Variants in ING5 observed in about 807,000 individuals in gnomAD.
ING5 encodes inhibitor of growth protein 5.
Under a neutral mutation model 37.4 loss-of-function variants are expected in ING5, and 17 were observed. The observed-to-expected ratio is 0.45, with a 90% CI of 0.31 to 0.68. ING5 has a LOEUF of 0.68. Ranked by LOEUF, ING5 falls within the 30% of genes least tolerant of loss-of-function variation. The probability of loss-of-function intolerance (pLI) is 0.05; values close to 1 mark genes in which losing one functional copy is unlikely to be tolerated. For synonymous variants in ING5, 123 were observed against 116.6 expected (o/e 1.06, Z -0.36); for missense variants, 233 against 311.9 (o/e 0.75, Z 1.91).
chr2:241,714,813 C>T (rs950639738), intron 5 of ING5, among the ~76,000 whole-genome samples: 2 of 152,066 alleles, frequency 1.3e-5, no homozygotes, highest in African/African-American at 2.4e-5. Flanking sequence ...CCAGGCTGGT[C>T]TCAAACATCT....
intron 2 of ING5, among the ~76,000 whole-genome samples, chr2:241,705,734 T>G (rs1377326025): frequency 6.6e-6 from 1 of 152,092 alleles, no homozygotes; most frequent in East Asian, 1.9e-4. Context: ...AAACAACATG[T>G]TTTTGTTGCT....
chr2:241,716,949 T>G (rs1559310233), intron 5 of ING5, among the ~76,000 whole-genome samples: 1 of 152,150 alleles, frequency 6.6e-6, no homozygotes, highest in Non-Finnish European at 1.5e-5. Context: ...AAAGATCCGT[T>G]TTACAACATG....
At chr2:241,701,471 G>A (rs1318154919), upstream of ING5, among the ~76,000 whole-genome samples, 1 of 152,194 alleles carries the variant, frequency 6.6e-6, no homozygotes. Context: ...GGCGTTGGCG[G>A]GGGAAGGGCG....
intron 5 of ING5, among the ~76,000 whole-genome samples, chr2:241,718,860 C>T (rs1253558457): frequency 6.6e-6 from 1 of 152,166 alleles, no homozygotes; most frequent in Non-Finnish European, 1.5e-5. Flanking sequence ...AGGCATGTGC[C>T]ACCATTCCTT....
chr2:241,689,188 C>T (rs2069509459), intron 1 of ING5, among the ~76,000 whole-genome samples: 1 of 151,924 alleles, frequency 6.6e-6, no homozygotes, highest in African/African-American at 2.4e-5. Context: ...TCTTGGCTCA[C>T]TGCAACCTCC....
intron 2 of ING5, among the ~76,000 whole-genome samples, chr2:241,693,074 C>T (rs962559164): frequency 3.3e-5 from 5 of 151,898 alleles, no homozygotes; most frequent in African/African-American, 1.2e-4. Flanking sequence ...GCCTGGCCAA[C>T]GTGGTGAAAC....
chr2:241,712,565 A>G (rs2070143481), intron 5 of ING5, among the ~76,000 whole-genome samples: 1 of 152,112 alleles, frequency 6.6e-6, no homozygotes, highest in African/African-American at 2.4e-5. Flanking sequence ...AAGTTTTTTG[A>G]GATACTTTAT....
chr2:241,719,734 A>G, intron 5 of ING5: 1 of 1,467,184 alleles, frequency 6.8e-7, no homozygotes, highest in Non-Finnish European at 8.9e-7. Context: ...AGACCTCAGG[A>G]ACAGCCAGCA....
intron 7 of ING5, 76 bp downstream of exon 7, chr2:241,723,347 G>A (rs2070475538): frequency 4.9e-6 from 7 of 1,436,122 alleles, no homozygotes; most frequent in East Asian, 2.3e-5. Flanking sequence ...AGGAGAAGGT[G>A]CTCCATGGCA....
intron 1 of ING5, among the ~76,000 whole-genome samples, chr2:241,703,621 A>AT (rs1361153302): frequency 2.0e-5 from 3 of 151,114 alleles, no homozygotes; most frequent in South Asian, 2.1e-4. Context: ...TCTTTTTTTG[A>AT]TTTTTTTTGA....
intron 5 of ING5, 75 bp from the exon 6 acceptor site, chr2:241,722,862 CAG>C: frequency 2.5e-6 from 4 of 1,587,222 alleles, no homozygotes; most frequent in Non-Finnish European, 3.4e-6. Context: ...AAGTCAGAGA[CAG>C]AAGGGCCCGT....
chr2:241,713,382 T>C (rs2070177941), intron 5 of ING5, among the ~76,000 whole-genome samples: 1 of 143,176 alleles, frequency 7.0e-6, no homozygotes. Flanking sequence ...TTTTTTTTTT[T>C]TTTTTTGAGA....
At chr2:241,719,349 C>T (rs1389940542) in intron 5 of ING5, 12 of 643,958 alleles carry the variant, frequency 1.9e-5, no homozygotes, top group Non-Finnish European at 3.1e-5. Context: ...ATGAGGCAGG[C>T]GGACGCCGCC....
At chr2:241,694,173 G>T (rs34458207) in intron 2 of ING5, 1 of 151,728 alleles carries the variant, frequency 6.6e-6, no homozygotes, top group South Asian at 2.1e-4. Flanking sequence ...GCCAGGCGCG[G>T]TGGCTCACGC....
chr2:241,723,941 C>T, intron 7 of ING5: 1 of 1,274,170 alleles, frequency 7.8e-7, no homozygotes, highest in South Asian at 1.3e-5. Context: ...GCCTGGAAGT[C>T]CGAGGCTTCA....
At chr2:241,697,863 A>C (rs543504716), upstream of ING5, among the ~76,000 whole-genome samples, 19 of 152,222 alleles carry the variant, frequency 1.2e-4, no homozygotes, top group African/African-American at 3.4e-4. Context: ...CCAGTGGATC[A>C]CCTAAGTTTA....
intron 5 of ING5, chr2:241,719,740 C>G: frequency 6.2e-6 from 9 of 1,460,168 alleles, no homozygotes; most frequent in African/African-American, 1.4e-5. Context: ...CAGGAACAGC[C>G]AGCACCTCTG....
At chr2:241,701,680 C>T (rs1347735745), upstream of ING5, among the ~76,000 whole-genome samples, 1 of 152,132 alleles carries the variant, frequency 6.6e-6, no homozygotes, top group Non-Finnish European at 1.5e-5. Flanking sequence ...GTCGCGTGGG[C>T]GCCGTCAGGA....
chr2:241,715,146 G>A (rs373692340), intron 5 of ING5, among the ~76,000 whole-genome samples: 1 of 151,936 alleles, frequency 6.6e-6, no homozygotes, highest in South Asian at 2.1e-4. Context: ...ATATAATTTT[G>A]ATATTGTTTT....
Sources: allele counts gnomAD v4.1 joint callset (sites outside exome capture counted in the v4.1 genomes callset), GRCh38; gene constraint gnomAD v4.1.1; transcripts MANE v1.5; gene names NCBI Gene and HGNC (gene_info 2026-07-23, HGNC 2026-07-21).